HPS3: variants seen among roughly 807,000 people sequenced by gnomAD.
The protein encoded by HPS3 is HPS3 biogenesis of lysosomal organelles complex 2 subunit 1, also known as BLOC-2 complex member HPS3.
In HPS3, 79 loss-of-function variants were observed where a neutral mutation model predicts 110.9. The observed-to-expected ratio is 0.71, with a 90% confidence interval of 0.59 to 0.86. The LOEUF (loss-of-function observed/expected upper bound fraction) is 0.86. Ranked by LOEUF, HPS3 falls within the 40% of genes least tolerant of loss-of-function variation. The pLI, the probability that HPS3 is intolerant of heterozygous loss-of-function variation, is 0.00. For missense variants in HPS3, 1,197 were observed against 1,206.2 expected, an observed-to-expected ratio of 0.99 and a Z score of 0.11; for synonymous variants, 428 against 451.0, an observed-to-expected ratio of 0.95 and a Z score of 0.65.
intron 1 of HPS3, among the ~76,000 whole-genome samples, chr3:149,133,974 C>T (rs1462847254): frequency 1.3e-5 from 2 of 150,660 alleles, no homozygotes; most frequent in Admixed American, 1.3e-4. Flanking sequence ...CTGGGATATG[C>T]CTGTGTTTTT....
intron 2 of HPS3, 66 bp downstream of exon 2, chr3:149,140,564 T>C: frequency 1.3e-6 from 2 of 1,534,772 alleles, no homozygotes; most frequent in Non-Finnish European, 1.8e-6. Flanking sequence ...TTTGGCAGTC[T>C]GAAGGTCTGT....
At chr3:149,167,305 C>A in intron 15 of HPS3, 65 bp downstream of exon 15, 1 of 1,286,518 alleles carries the variant, frequency 7.8e-7, no homozygotes, top group Non-Finnish European at 1.1e-6. Flanking sequence ...AACCTCATTT[C>A]CTTTCCTGCA....
At chr3:149,163,657 A>C (rs982558929) in intron 13 of HPS3, among the ~76,000 whole-genome samples, 185 bp from the exon 14 acceptor site, 1 of 152,222 alleles carries the variant, frequency 6.6e-6, no homozygotes, top group African/African-American at 2.4e-5. Flanking sequence ...TTAGTGTAGA[A>C]GCAAGCAAGA....
rs377368442 is a variant in HPS3 at position 149,150,635 on chromosome 3, G to C, written c.1200G>C (p.Ala400=). The change falls in exon 6 of 17, where the codon GCG becomes GCC. Residue 400 remains alanine, a synonymous_variant. Coordinates refer to ENST00000296051, the MANE Select transcript of HPS3 (RefSeq NM_032383.5). ...AGTGTTTCACTGTGCGGTGCAGTGC[G>C]GCGGCAGCTCGTGAGGAGGACCCGT... The part of the protein sequence containing the change: ...NLQCFTVRCS[A]AAAREEDPYM... 2.0e-5 allele frequency: 32 copies of C among 1,613,930 alleles called. No individual in the cohort carries two copies. Among genetic ancestry groups the C allele is most frequent in the Non-Finnish European group, 2.5e-5 (29 of 1,179,954 alleles).
At position 149,150,606 on chromosome 3, in the gene HPS3, C is replaced by G; in HGVS notation, c.1171C>G (p.Leu391Val). ...CTGTGTCTTCCTCCTCAGTAACAAC[C>G]TGCAGTGTTTCACTGTGCGGTGCAG... is the stretch of plus-strand genomic sequence containing the variant. ...QFLHVITSNN[L>V]QCFTVRCSAA... The change falls in exon 6 of 17, where the codon CTG (leucine) becomes GTG (valine). Residue 391 changes from leucine (L) to valine (V), a missense_variant. By Grantham distance (32) the Leu-to-Val change is conservative. Coordinates refer to ENST00000296051, the MANE Select transcript of HPS3 (RefSeq NM_032383.5). 1 of 1,613,962 alleles carries G rather than the reference C, an allele frequency of 6.2e-7. No homozygotes were observed. The highest frequency in any genetic ancestry group is 1.1e-5 in the South Asian group (1 of 91,078).
At chr3:149,159,536 C>T (rs1723661614) in intron 10 of HPS3, among the ~76,000 whole-genome samples, 1 of 152,078 alleles carries the variant, frequency 6.6e-6, no homozygotes, top group Non-Finnish European at 1.5e-5. Context: ...GCATTCCAGG[C>T]TGGGCAATAC....
At chr3:149,165,172 T>G (rs536762720) in intron 14 of HPS3, among the ~76,000 whole-genome samples, 2 of 152,198 alleles carry the variant, frequency 1.3e-5, no homozygotes, top group African/African-American at 2.4e-5. Flanking sequence ...TCACGAATAT[T>G]GCTTGAGCAT....
At chr3:149,142,203 G>C (rs1343332377) in intron 4 of HPS3, among the ~76,000 whole-genome samples, 1 of 152,148 alleles carries the variant, frequency 6.6e-6, no homozygotes, top group Non-Finnish European at 1.5e-5. Context: ...TACCTGCTAG[G>C]AGAAGCCATG....
intron 4 of HPS3, among the ~76,000 whole-genome samples, chr3:149,144,716 A>G (rs1386060059): frequency 6.6e-6 from 1 of 152,210 alleles, no homozygotes; most frequent in Admixed American, 6.5e-5. Context: ...ATGGAAATCT[A>G]TGCTGTTTAG....
chr3:149,129,897 C>A lies in HPS3; in HGVS notation c.174C>A (p.Phe58Leu). Residue 58 changes from phenylalanine to leucine, a missense_variant, in exon 1 of 17, where the codon TTC becomes TTA. Transcript: ENST00000296051. ...AGCTGTGCCAGCCGCGGTGCGCCTT[C>A]TCCACGCTGGGCCGGGTGTTGCGCC... Reference protein sequence around the residue: ...GQELCQPRCAFSTLGRVLRLA... With the variant: ...GQELCQPRCALSTLGRVLRLA... 1 of 1,581,544 alleles carries A rather than the reference C, an allele frequency of 6.3e-7. No individual in the cohort carries two copies.
chr3:149,162,921 C>G (rs763819697), intron 13 of HPS3, 43 bp downstream of exon 13: 75 of 1,438,024 alleles, frequency 5.2e-5, no homozygotes, highest in Non-Finnish European at 7.1e-5. Context: ...TCATGCATTG[C>G]CCATTACAAA....
At chr3:149,157,893 A>C (rs2108159375) in intron 9 of HPS3, among the ~76,000 whole-genome samples, 1 of 152,368 alleles carries the variant, frequency 6.6e-6, no homozygotes, top group South Asian at 2.1e-4. Flanking sequence ...GGACATATTA[A>C]ACCCTAAAAG....
chr3:149,158,913 A>G (rs1331412359), intron 10 of HPS3, 67 bp downstream of exon 10: 7 of 1,112,664 alleles, frequency 6.3e-6, no homozygotes, highest in African/African-American at 1.6e-5. Context: ...TATTTTATGT[A>G]GTACTGTTTA....
At chr3:149,140,627 A>G (rs769545709) in intron 2 of HPS3, 129 bp downstream of exon 2, 63 of 1,032,306 alleles carry the variant, frequency 6.1e-5, no homozygotes, top group Non-Finnish European at 8.9e-5. Context: ...TTCCTATTTC[A>G]TGGGATTTGG....
intron 16 of HPS3, chr3:149,170,384 A>C (rs890695496): frequency 6.6e-6 from 1 of 152,160 alleles, no homozygotes; most frequent in African/African-American, 2.4e-5. Context: ...AATAATTCAT[A>C]TTTTTCACAT....
chr3:149,133,399 A>G (rs1380776512), intron 1 of HPS3, among the ~76,000 whole-genome samples: 2 of 151,958 alleles, frequency 1.3e-5, no homozygotes, highest in Non-Finnish European at 2.9e-5. Flanking sequence ...TCCCAGGTTT[A>G]AGCAATTCCC....
At chr3:149,159,267 AG>A (rs1257471735) in intron 10 of HPS3, among the ~76,000 whole-genome samples, 1 of 152,206 alleles carries the variant, frequency 6.6e-6, no homozygotes, top group Non-Finnish European at 1.5e-5. Context: ...GACATTATTA[AG>A]GATTATTTTT....
intron 1 of HPS3, among the ~76,000 whole-genome samples, chr3:149,139,061 A>T (rs1722282724): frequency 6.6e-6 from 1 of 152,210 alleles, no homozygotes; most frequent in Non-Finnish European, 1.5e-5. Context: ...AAATATATAG[A>T]TATAAGCCTA....
chr3:149,140,958 A>G, intron 2 of HPS3, 59 bp from the exon 3 acceptor site: 1 of 1,422,726 alleles, frequency 7.0e-7, no homozygotes, highest in East Asian at 2.3e-5. Context: ...AATTGGTGAG[A>G]GGATGTTGTA....
Sources: gnomAD v4.1 joint callset for allele counts (sites outside exome capture counted in the v4.1 genomes callset) on GRCh38, gnomAD v4.1.1 for gene constraint, MANE v1.5 for transcripts, NCBI Gene and HGNC (gene_info 2026-07-23, HGNC 2026-07-21) for gene names.